The following LCORL variants were observed in gnomAD, a reference collection of about 807,000 sequenced individuals.
LCORL encodes the protein ligand dependent nuclear receptor corepressor like, also known as ligand-dependent nuclear receptor corepressor-like protein.
A neutral mutation model predicts 141.8 loss-of-function variants in LCORL; 41 were observed. The ratio of observed to expected loss-of-function variants is 0.29; its 90% CI spans 0.23 to 0.38. LCORL has a LOEUF of 0.38. Ranked by LOEUF, LCORL falls within the 10% of genes least tolerant of loss-of-function variation. LCORL has a pLI of 1.00. For missense variants in LCORL, 1,759 were observed against 2,035.0 expected (o/e 0.86, Z 2.61); for synonymous variants, 618 against 694.1 (o/e 0.89, Z 1.72).
At chr4:17,965,851 AT>A (rs1456753420) in intron 2 of LCORL, among the ~76,000 whole-genome samples, 3 of 152,116 alleles carry the variant, frequency 2.0e-5, no homozygotes, top group African/African-American at 7.2e-5. Flanking sequence ...AAATAACCTC[AT>A]TATTAATAAA....
At chr4:17,916,798 C>G (rs1253537095) in intron 4 of LCORL, among the ~76,000 whole-genome samples, 1 of 151,968 alleles carries the variant, frequency 6.6e-6, no homozygotes, top group Non-Finnish European at 1.5e-5. Flanking sequence ...GCATGTGCCA[C>G]CAAGCCCAGC....
At chr4:17,931,646 T>C (rs1464596156) in intron 4 of LCORL, among the ~76,000 whole-genome samples, 1 of 152,148 alleles carries the variant, frequency 6.6e-6, no homozygotes, top group Non-Finnish European at 1.5e-5. Flanking sequence ...GATGTCCATC[T>C]TTATTGCATT....
At chr4:17,903,370 G>A (rs1469028650) in intron 5 of LCORL, among the ~76,000 whole-genome samples, 1 of 151,994 alleles carries the variant, frequency 6.6e-6, no homozygotes, top group African/African-American at 2.4e-5. Flanking sequence ...ATCTGATCTT[G>A]TTCTGTATAG....
chr4:17,873,591 G>A, exon 7 of LCORL: 1 of 1,233,626 alleles, frequency 8.1e-7, no homozygotes, highest in East Asian at 3.2e-5. Context: ...AAATTCATCA[G>A]CTGAAGGATT....
intron 7 of LCORL, 137 bp from the exon 8 acceptor site, chr4:17,846,038 C>T (rs1409867020): frequency 1.5e-6 from 1 of 660,178 alleles, no homozygotes; most frequent in Non-Finnish European, 2.6e-6. Context: ...CCTGAAAATA[C>T]AACAGTTTTC....
chr4:17,885,465 G>C (rs1035930375), intron 6 of LCORL, among the ~76,000 whole-genome samples: 15 of 151,624 alleles, frequency 9.9e-5, no homozygotes, highest in African/African-American at 3.1e-4. Flanking sequence ...TGACAAAAAA[G>C]CTTCCTATGC....
intron 1 of LCORL, among the ~76,000 whole-genome samples, chr4:17,992,164 G>T (rs1720143428): frequency 6.6e-6 from 1 of 152,190 alleles, no homozygotes; most frequent in Non-Finnish European, 1.5e-5. Context: ...GTTCCACATG[G>T]CTAGGGAGGC....
chr4:17,917,998 C>G (rs1272978342), intron 4 of LCORL, among the ~76,000 whole-genome samples: 2 of 151,658 alleles, frequency 1.3e-5, no homozygotes, highest in African/African-American at 4.9e-5. Flanking sequence ...AACAATTGCA[C>G]TATTCTCAGC....
intron 4 of LCORL, among the ~76,000 whole-genome samples, chr4:17,920,024 C>T (rs1734044618): frequency 6.6e-6 from 1 of 152,244 alleles, no homozygotes; most frequent in Non-Finnish European, 1.5e-5. Context: ...CCATGCCTTG[C>T]CCTGTGCATC....
At position 17,962,883 on chromosome 4, in the gene LCORL, A is replaced by C. The variant is rs1010754809; in HGVS notation, c.300+87T>G. On this transcript the variant is annotated intron_variant, in intron 3 of 7. Transcript: ENST00000635767. Reference sequence around the variant, plus strand: ...TACTTAAACTTCCACTGTGAGTCACAAATTTTCAAAACAAATTAAGATAAA... The same window carrying C: ...TACTTAAACTTCCACTGTGAGTCACCAATTTTCAAAACAAATTAAGATAAA... 8 of 653,266 alleles carry C rather than the reference A, an allele frequency of 1.2e-5. No individual in the cohort carries two copies. In the South Asian group the frequency reaches 3.7e-4, roughly 30 times the overall value. The allele number at this position is 653,266 out of a possible 1,614,324, so 40.5% of individuals were successfully genotyped here.
exon 8 of LCORL, chr4:17,843,628 T>TCACA: frequency 2.4e-6 from 1 of 420,016 alleles, no homozygotes; most frequent in South Asian, 4.0e-5. Context: ...CATCAGTCAG[T>TCACA]CACACAGATT....
intron 4 of LCORL, among the ~76,000 whole-genome samples, chr4:17,921,838 G>A (rs1002974468): frequency 3.3e-5 from 5 of 152,096 alleles, no homozygotes; most frequent in Non-Finnish European, 5.9e-5. Flanking sequence ...AGCAGATAGC[G>A]GAATGTGGAA....
At chr4:17,881,384 T>A (rs141045252) in intron 6 of LCORL, 2 of 978,274 alleles carry the variant, frequency 2.0e-6, no homozygotes, top group African/African-American at 3.5e-5. Context: ...CTTTCCTAGT[T>A]TGTATAATCA....
At chr4:17,939,837 A>T (rs1560374938) in intron 4 of LCORL, among the ~76,000 whole-genome samples, 1 of 151,214 alleles carries the variant, frequency 6.6e-6, no homozygotes, top group Non-Finnish European at 1.5e-5. Flanking sequence ...AGGGGATGAA[A>T]TCTGGAAAAA....
rs376597838 is a variant in LCORL, at chr4:17,851,045, G to A, written c.5603-5144C>T. On this transcript the variant is annotated intron_variant, in intron 7 of 7. Transcript: ENST00000635767. ...TCGCAAGAACAAAAAACCAAACACCGCATATTCTCACTCATAGGTGGGAAT... is the reference window on the plus strand; with the variant it reads ...TCGCAAGAACAAAAAACCAAACACCACATATTCTCACTCATAGGTGGGAAT... Among the ~76,000 whole-genome samples the A allele has an allele frequency of 1.8e-3, 267 of 144,530 alleles. 1 individual carries two copies. The highest frequency in any genetic ancestry group is 6.3e-3 in the African/African-American group (247 of 39,058). The allele number at this position is 144,530 out of a possible 152,430, so 94.8% of individuals were successfully genotyped here.
intron 1 of LCORL, among the ~76,000 whole-genome samples, chr4:17,981,748 C>A (rs913676714): frequency 6.6e-6 from 1 of 151,926 alleles, no homozygotes; most frequent in Non-Finnish European, 1.5e-5. Flanking sequence ...CCAGGCTTTT[C>A]TTATTACTTT....
At chr4:17,993,089 A>G (rs961012996) in intron 1 of LCORL, among the ~76,000 whole-genome samples, 2 of 152,242 alleles carry the variant, frequency 1.3e-5, no homozygotes, top group Non-Finnish European at 2.9e-5. Flanking sequence ...AGACACAGGG[A>G]CAAGAAAACT....
chr4:17,971,386 G>A (rs1329393923), intron 2 of LCORL, among the ~76,000 whole-genome samples: 4 of 150,884 alleles, frequency 2.7e-5, no homozygotes, highest in Non-Finnish European at 5.9e-5. Context: ...CAACATAACT[G>A]TTAATATCTG....
chr4:18,002,366 A>G (rs983718362), intron 1 of LCORL, among the ~76,000 whole-genome samples: 5 of 152,118 alleles, frequency 3.3e-5, no homozygotes, highest in African/African-American at 1.2e-4. Context: ...TTCATATACA[A>G]GGTGCTCTCA....
Sources: gnomAD v4.1 joint callset for allele counts (sites outside exome capture counted in the v4.1 genomes callset) on GRCh38, gnomAD v4.1.1 for gene constraint, MANE v1.5 for transcripts, NCBI Gene and HGNC (gene_info 2026-07-23, HGNC 2026-07-21) for gene names.